VPS13B: variants seen among roughly 807,000 people sequenced by gnomAD.
VPS13B encodes the protein vacuolar protein sorting 13 homolog B, also known as intermembrane lipid transfer protein VPS13B.
In VPS13B, 285 loss-of-function variants were observed where a neutral mutation model predicts 426.4. The observed-to-expected ratio is 0.67, with a 90% CI of 0.61 to 0.74. The LOEUF is 0.74. Among genes scored for constraint, VPS13B ranks in the 30% least tolerant of loss-of-function variants. The pLI is 0.00. For missense variants in VPS13B, 4,537 were observed against 4,782.6 expected, an observed-to-expected ratio of 0.95 and a Z score of 1.51; for synonymous variants, 1,676 against 1,676.4, an observed-to-expected ratio of 1.00 and a Z score of 0.01.
intron 21 of VPS13B, among the ~76,000 whole-genome samples, chr8:99,428,362 G>A (rs1221100160): frequency 6.6e-6 from 1 of 152,022 alleles, no homozygotes; most frequent in Non-Finnish European, 1.5e-5. Context: ...CCTATAGAAT[G>A]GAAGAAAATT....
At chr8:99,537,853 CTTAATGTG>C (rs1053110282) in intron 30 of VPS13B, among the ~76,000 whole-genome samples, 11 of 152,146 alleles carry the variant, frequency 7.2e-5, no homozygotes, top group African/African-American at 2.7e-4. Flanking sequence ...TTCAACCTTC[CTTAATGTG>C]TAGGGTCATT....
chr8:99,016,816 C>T (rs556450571), intron 2 of VPS13B, among the ~76,000 whole-genome samples: 2 of 151,970 alleles, frequency 1.3e-5, no homozygotes, highest in East Asian at 3.9e-4. Context: ...GGTCTCGATT[C>T]CCTGACCTTG....
intron 25 of VPS13B, among the ~76,000 whole-genome samples, chr8:99,496,956 A>G (rs1387623676): frequency 6.6e-6 from 1 of 151,072 alleles, no homozygotes; most frequent in Non-Finnish European, 1.5e-5. Context: ...GTGTATATAA[A>G]ATGTTTTTGG....
intron 51 of VPS13B, among the ~76,000 whole-genome samples, chr8:99,827,542 ATT>A (rs142426991): frequency 4.4e-5 from 6 of 137,044 alleles, no homozygotes; most frequent in East Asian, 2.1e-4. Flanking sequence ...GGTTTCGTTG[ATT>A]TTTTTTTTTT....
intron 2 of VPS13B, among the ~76,000 whole-genome samples, chr8:99,019,910 A>G (rs1841804915): frequency 6.6e-6 from 1 of 152,176 alleles, no homozygotes; most frequent in African/African-American, 2.4e-5. Context: ...GGTTGCTTTC[A>G]TCTTTTGGCT....
At chr8:99,251,452 A>G (rs1416768437) in intron 17 of VPS13B, among the ~76,000 whole-genome samples, 3 of 151,898 alleles carry the variant, frequency 2.0e-5, no homozygotes, top group African/African-American at 7.3e-5. Flanking sequence ...GCCTGTTCAT[A>G]TGGTGGATTG....
At chr8:99,365,519 T>C (rs79257464) in intron 19 of VPS13B, among the ~76,000 whole-genome samples, 16 of 14,624 alleles carry the variant, frequency 1.1e-3, no homozygotes, top group East Asian at 2.7e-3. Context: ...TCTTCTTCTT[T>C]TTTTTTTTTT....
At chr8:99,246,547 C>T (rs889066070) in intron 17 of VPS13B, among the ~76,000 whole-genome samples, 2 of 152,088 alleles carry the variant, frequency 1.3e-5, no homozygotes, top group Admixed American at 1.3e-4. Context: ...TTATTTAACC[C>T]ATTATAAAAA....
At chr8:99,414,277 C>G (rs539836019) in intron 21 of VPS13B, among the ~76,000 whole-genome samples, 60 of 140,598 alleles carry the variant, frequency 4.3e-4, no homozygotes, top group African/African-American at 1.6e-3. Context: ...CTTGGTAGAT[C>G]TTCCTCCATC....
intron 44 of VPS13B, among the ~76,000 whole-genome samples, chr8:99,812,752 G>T (rs1043380343): frequency 1.3e-5 from 2 of 152,074 alleles, no homozygotes; most frequent in Non-Finnish European, 2.9e-5. Context: ...TATGTATAAT[G>T]GTGTCTTTAT....
At chr8:99,637,649 A>T (rs1471050079) in intron 33 of VPS13B, among the ~76,000 whole-genome samples, 1 of 152,160 alleles carries the variant, frequency 6.6e-6, no homozygotes, top group South Asian at 2.1e-4. Context: ...CAGTCTCAGC[A>T]CATAATATAG....
chr8:99,839,802 G>GTAA (rs1351548432), intron 54 of VPS13B, among the ~76,000 whole-genome samples: 2 of 152,230 alleles, frequency 1.3e-5, no homozygotes, highest in African/African-American at 4.8e-5. Context: ...GGCTCCCAGT[G>GTAA]TAATAGTCAT....
chr8:99,502,901 A>G lies in VPS13B; in HGVS notation c.4108A>G (p.Lys1370Glu). The G allele has an allele frequency of 1.2e-6, 2 of 1,613,440 alleles. No individual in the cohort carries two copies. Among genetic ancestry groups the G allele is most frequent in the Non-Finnish European group, 1.7e-6 (2 of 1,179,602 alleles). The change falls in exon 27 of 62, where the codon AAA becomes GAA. Residue 1370 changes from lysine to glutamate, a missense_variant. Lys to Glu is a moderately conservative substitution (Grantham distance 56). Around this residue, in one of 2 missense-constraint regions of VPS13B, gnomAD observed 4,311 missense variants for 4,474.3 expected, o/e 0.96. Coordinates refer to ENST00000357162, the MANE Select transcript of VPS13B (RefSeq NM_152564.5). ...ASIDVQDVYT[K>E]VKCKIESFNI... Reference sequence around the variant, plus strand: ...CATAGATGTCCAGGATGTATATACCAAAGTGAAATGTAAAATAGAGAGTTT... The same window carrying G: ...CATAGATGTCCAGGATGTATATACCGAAGTGAAATGTAAAATAGAGAGTTT...
Position 99,853,546 on chromosome 8 carries a change from T to C in VPS13B, c.10157T>C (p.Leu3386Pro). The C allele has an allele frequency of 1.2e-6, 2 of 1,614,218 alleles. No individual in the cohort carries two copies. The highest frequency in any genetic ancestry group is 1.7e-6 in the Non-Finnish European group (2 of 1,180,036). ...DLTHHKASAE[L>P]LRLTLDNIFL... The stretch of plus-strand genomic sequence containing the variant: ...ACCCACCACAAAGCATCAGCTGAGC[T>C]TCTGAGACTCACACTGGACAACATT... The change falls in exon 56 of 62, where the codon CTT becomes CCT. Residue 3386 changes from leucine (L) to proline (P), a missense_variant. Around this residue, in one of 2 missense-constraint regions of VPS13B, gnomAD observed 4,311 missense variants for 4,474.3 expected, o/e 0.96. Transcript: ENST00000357162.
intron 31 of VPS13B, among the ~76,000 whole-genome samples, chr8:99,572,881 G>A (rs1825555854): frequency 6.6e-6 from 1 of 152,156 alleles, no homozygotes; most frequent in Non-Finnish European, 1.5e-5. Context: ...TCGCCACACT[G>A]TCTTCCACAA....
chr8:99,425,195 A>C (rs1284694674), intron 21 of VPS13B, among the ~76,000 whole-genome samples: 4 of 152,118 alleles, frequency 2.6e-5, no homozygotes. Context: ...AAAAGAGGGA[A>C]TCCTCCCTAA....
chr8:99,272,591 G>A (rs1013903641), intron 17 of VPS13B, among the ~76,000 whole-genome samples: 2 of 151,908 alleles, frequency 1.3e-5, no homozygotes, highest in African/African-American at 2.4e-5. Flanking sequence ...TATTCTTAAG[G>A]TTTCTTTGCC....
At chr8:99,176,044 A>G (rs1812610236) in intron 16 of VPS13B, among the ~76,000 whole-genome samples, 1 of 152,148 alleles carries the variant, frequency 6.6e-6, no homozygotes, top group Admixed American at 6.5e-5. Flanking sequence ...GTTCCTCTCT[A>G]CAGTATGACT....
At position 99,861,919 on chromosome 8, in the gene VPS13B, C is replaced by T. The variant is rs201448515; in HGVS notation, c.11188C>T (p.Leu3730=). ...CCTGGGCGAGGGGCTTCGACAGGGCCTGTCCCGGCTGGGCATCAGCCTGCT... is the reference window on the plus strand; with the variant it reads ...CCTGGGCGAGGGGCTTCGACAGGGCTTGTCCCGGCTGGGCATCAGCCTGCT... The part of the protein sequence containing the change: ...ESLGEGLRQG[L]SRLGISLLGA... Residue 3730 remains leucine (L), a synonymous_variant, in exon 58 of 62, where the codon CTG becomes TTG. Transcript: ENST00000357162. 2 of 1,596,398 alleles carry T rather than the reference C, an allele frequency of 1.3e-6. No individual in the cohort carries two copies. Among genetic ancestry groups the T allele is most frequent in the East Asian group, 2.3e-5 (1 of 44,158 alleles).
Sources: gnomAD v4.1 joint callset for allele counts (sites outside exome capture counted in the v4.1 genomes callset) on GRCh38, gnomAD v4.1.1 for gene constraint, gnomAD v4.1.1 regional missense constraint, MANE v1.5 for transcripts, NCBI Gene and HGNC (gene_info 2026-07-23, HGNC 2026-07-21) for gene names.